The following NRTN variants were observed in gnomAD, a reference collection of about 807,000 sequenced individuals.
NRTN encodes prepro-neurturin.
In NRTN, 3 loss-of-function variants were observed where a neutral mutation model predicts 7.5. The observed-to-expected ratio is 0.40, with a 90% CI of 0.18 to 1.03. NRTN has a LOEUF of 1.03. Ranked by LOEUF, NRTN falls within the 50% of genes least tolerant of loss-of-function variation. The pLI is 0.34. For synonymous variants in NRTN, 157 were observed against 146.6 expected, an observed-to-expected ratio of 1.07 and a Z score of -0.51; for missense variants, 310 against 307.0, an observed-to-expected ratio of 1.01 and a Z score of -0.07.
At chr19:5,815,959 G>A (rs924959505) in intron 1 of NRTN, among the ~76,000 whole-genome samples, 5 of 152,000 alleles carry the variant, frequency 3.3e-5, no homozygotes, top group African/African-American at 1.2e-4. Context: ...TGGCCAGGCT[G>A]GTCTCGAACT....
At chr19:5,823,118 GAGAA>G (rs141928144) in intron 1 of NRTN, among the ~76,000 whole-genome samples, 11,004 of 150,310 alleles carry the variant, frequency 0.073, 552 homozygotes, top group African/African-American at 0.14. Context: ...AAGAAAGAAA[GAGAA>G]AGAGAGAGAG....
chr19:5,814,447 C>T (rs1478750341), intron 1 of NRTN, among the ~76,000 whole-genome samples: 4 of 152,164 alleles, frequency 2.6e-5, no homozygotes, highest in East Asian at 3.9e-4. Context: ...GAGAGGGTCC[C>T]CCTCCCTTTC....
intron 1 of NRTN, among the ~76,000 whole-genome samples, chr19:5,808,832 T>C (rs2056981457): frequency 6.7e-6 from 1 of 149,828 alleles, no homozygotes; most frequent in Admixed American, 6.7e-5. Flanking sequence ...CTCGGCTCAC[T>C]GCAAGCTCCG....
chr19:5,810,656 G>A (rs1049331414), intron 1 of NRTN, among the ~76,000 whole-genome samples: 2 of 151,852 alleles, frequency 1.3e-5, no homozygotes, highest in Admixed American at 6.6e-5. Context: ...GGTTACAGCC[G>A]GGCGCAGTGG....
chr19:5,818,152 CAG>C (rs1249401395), intron 1 of NRTN, among the ~76,000 whole-genome samples: 1 of 152,014 alleles, frequency 6.6e-6, no homozygotes, highest in African/African-American at 2.4e-5. Context: ...TTAGTAGAGA[CAG>C]GGTTTCACCA....
At chr19:5,816,713 C>T (rs2057006224) in intron 1 of NRTN, among the ~76,000 whole-genome samples, 1 of 152,130 alleles carries the variant, frequency 6.6e-6, no homozygotes, top group African/African-American at 2.4e-5. Flanking sequence ...GACAGGGTCT[C>T]CCTATATTGC....
chr19:5,819,033 T>C (rs971084796), intron 1 of NRTN, among the ~76,000 whole-genome samples: 10 of 152,092 alleles, frequency 6.6e-5, no homozygotes, highest in African/African-American at 2.4e-4. Flanking sequence ...TCCAATCCAA[T>C]GGGGAAACTG....
Position 5,823,751 on chromosome 19 carries a change from T to TC in NRTN, c.-398-12dup. On this transcript the variant is annotated splice_polypyrimidine_tract_variant and intron_variant, in intron 1 of 2. Transcript: ENST00000303212. ...GAATGACCTCTCCTCCTTTCACTCT[T>TC]CCCCCTGGCTCCTCAGCTGCAGCCG... The TC allele has an allele frequency of 3.0e-6, 1 of 329,186 alleles. No homozygotes were observed. Among genetic ancestry groups the TC allele is most frequent in the Non-Finnish European group, 5.8e-6 (1 of 171,680 alleles). 20.4% of individuals were successfully genotyped at this position (329,186 alleles called of 1,614,324 possible).
At chr19:5,825,666 C>T (rs1351702280) in intron 2 of NRTN, among the ~76,000 whole-genome samples, 3 of 152,210 alleles carry the variant, frequency 2.0e-5, no homozygotes, top group African/African-American at 7.2e-5. Flanking sequence ...TGCGGAGGGT[C>T]AGGGCCCATG....
At chr19:5,823,715 C>T in intron 1 of NRTN, 53 bp from the exon 2 acceptor site, 1 of 300,828 alleles carries the variant, frequency 3.3e-6, no homozygotes, top group Non-Finnish European at 6.5e-6. Flanking sequence ...TCCCACACTG[C>T]CACCTGCCGG....
In NRTN at chr19:5,823,779, C is replaced by A; in HGVS notation, c.-387C>A. On this transcript the variant is annotated 5_prime_UTR_variant, in exon 2 of 3. Coordinates refer to ENST00000303212, the MANE Select transcript of NRTN (RefSeq NM_004558.5). ...CCCTGGCTCCTCAGCTGCAGCCGCT[C>A]CGGCCTCCTTGCTGTTCCTGGGATA... The A allele has an allele frequency of 2.8e-6, 1 of 351,694 alleles. No homozygotes were observed. Among genetic ancestry groups the A allele is most frequent in the South Asian group, 2.7e-5 (1 of 36,656 alleles). The allele number at this position is 351,694 out of a possible 1,614,324, so 21.8% of individuals were successfully genotyped here.
chr19:5,821,634 T>TTCATTCAA (rs1166036446), intron 1 of NRTN, among the ~76,000 whole-genome samples: 4 of 149,944 alleles, frequency 2.7e-5, no homozygotes, highest in African/African-American at 7.4e-5. Context: ...CATTCATTCA[T>TTCATTCAA]TCATTCATCA....
intron 1 of NRTN, among the ~76,000 whole-genome samples, chr19:5,808,490 A>G (rs1003576467): frequency 2.0e-5 from 3 of 152,176 alleles, no homozygotes; most frequent in Non-Finnish European, 4.4e-5. Flanking sequence ...AAGCTGGCAC[A>G]CACACGCTCC....
rs2057035596 is a variant in NRTN at position 5,824,005 on chromosome 19, A to G, written c.-161A>G. ...CGGAGGCCAACCCCTTCCTTGTTCA[A>G]TGGTTCCTTGAGGGACCATTCCCAT... On this transcript the variant is annotated 5_prime_UTR_variant, in exon 2 of 3. It removes an upstream start codon present in the reference 5' UTR. Coordinates refer to ENST00000303212, the MANE Select transcript of NRTN (RefSeq NM_004558.5). 3.1e-6 allele frequency: 3 copies of G among 966,352 alleles called. No individual in the cohort carries two copies. Among genetic ancestry groups the G allele is most frequent in the South Asian group, 3.0e-5 (2 of 66,700 alleles). The allele number at this position is 966,352 out of a possible 1,614,324, so 59.9% of individuals were successfully genotyped here.
chr19:5,809,575 G>A (rs1039253418), intron 1 of NRTN, among the ~76,000 whole-genome samples: 22 of 152,144 alleles, frequency 1.4e-4, no homozygotes, highest in African/African-American at 5.1e-4. Context: ...TGAGTTTGTC[G>A]GGGAGGGGCC....
At chr19:5,819,085 T>A (rs921448767) in intron 1 of NRTN, among the ~76,000 whole-genome samples, 26 of 152,094 alleles carry the variant, frequency 1.7e-4, no homozygotes, top group African/African-American at 6.0e-4. Flanking sequence ...GCAAGCAGGG[T>A]GGAGGGGGTC....
intron 1 of NRTN, among the ~76,000 whole-genome samples, chr19:5,823,105 G>A (rs1568399568): frequency 1.0e-5 from 1 of 99,200 alleles, no homozygotes; most frequent in Non-Finnish European, 2.7e-5. Context: ...GAAAGAAAAA[G>A]GAAAGAAAGA....
At chr19:5,814,671 T>G (rs1339872397) in intron 1 of NRTN, among the ~76,000 whole-genome samples, 1 of 152,176 alleles carries the variant, frequency 6.6e-6, no homozygotes, top group African/African-American at 2.4e-5. Context: ...GCGCTGGCTG[T>G]CTGTTGCTTT....
At chr19:5,819,062 C>T (rs963293028) in intron 1 of NRTN, among the ~76,000 whole-genome samples, 17 of 152,210 alleles carry the variant, frequency 1.1e-4, no homozygotes, top group African/African-American at 3.9e-4. Flanking sequence ...CACTCCAAGA[C>T]TTGAATGTGT....
Sources: allele counts gnomAD v4.1 joint callset (sites outside exome capture counted in the v4.1 genomes callset), GRCh38; gene constraint gnomAD v4.1.1; transcripts MANE v1.5; gene names NCBI Gene and HGNC (gene_info 2026-07-23, HGNC 2026-07-21).